The following CD2AP variants were observed in gnomAD, a reference collection of about 807,000 sequenced individuals.
The protein encoded by CD2AP is CD2-associated protein.
CD2AP carries 46 observed loss-of-function variants against 85.1 expected under a neutral mutation model. The ratio of observed to expected loss-of-function variants is 0.54; its 90% CI spans 0.43 to 0.69. CD2AP has a LOEUF of 0.69. Ranked by LOEUF, CD2AP falls within the 30% of genes least tolerant of loss-of-function variation. The pLI, the probability that CD2AP is intolerant of heterozygous loss-of-function variation, is 0.00. For synonymous variants in CD2AP, 255 were observed against 252.9 expected (o/e 1.01, Z -0.08); for missense variants, 769 against 729.5 (o/e 1.05, Z -0.62).
At chr6:47,523,896 A>C (rs897306058) in intron 2 of CD2AP, among the ~76,000 whole-genome samples, 4 of 152,172 alleles carry the variant, frequency 2.6e-5, no homozygotes, top group Middle Eastern at 3.2e-3. Context: ...AGTCAAAGCA[A>C]TATAGAAGTA....
intron 12 of CD2AP, among the ~76,000 whole-genome samples, chr6:47,598,449 C>T (rs1240197469): frequency 5.3e-5 from 8 of 151,072 alleles, no homozygotes; most frequent in African/African-American, 1.7e-4. Context: ...ATAACTTGCA[C>T]ATGCATGTTT....
At chr6:47,609,529 A>AAAC (rs1238849466) in intron 16 of CD2AP, 3 of 346,908 alleles carry the variant, frequency 8.6e-6, no homozygotes, top group Non-Finnish European at 1.5e-5. Flanking sequence ...AAAAAAAAAA[A>AAAC]AAGAAAAGAA....
At chr6:47,558,684 G>C (rs1366215640) in intron 5 of CD2AP, among the ~76,000 whole-genome samples, 4 of 152,168 alleles carry the variant, frequency 2.6e-5, no homozygotes, top group Non-Finnish European at 1.5e-5. Context: ...ACTTGATTGT[G>C]GTGGATAAGC....
intron 1 of CD2AP, among the ~76,000 whole-genome samples, chr6:47,485,103 A>G (rs994873950): frequency 1.3e-5 from 2 of 152,236 alleles, no homozygotes; most frequent in Admixed American, 1.3e-4. Context: ...ACATATATTG[A>G]TAATAAATGG....
intron 11 of CD2AP, among the ~76,000 whole-genome samples, chr6:47,590,759 A>G (rs1203732324): frequency 6.6e-6 from 1 of 152,128 alleles, no homozygotes; most frequent in Non-Finnish European, 1.5e-5. Context: ...GGAGGGAGAA[A>G]AAAATGGAGC....
intron 17 of CD2AP, among the ~76,000 whole-genome samples, chr6:47,618,410 A>T (rs968938920): frequency 6.6e-5 from 10 of 152,124 alleles, no homozygotes; most frequent in African/African-American, 2.4e-4. Context: ...CTGTTAGGGT[A>T]TGTACTTATT....
chr6:47,513,689 T>G (rs1469950041), intron 2 of CD2AP, among the ~76,000 whole-genome samples: 1 of 152,120 alleles, frequency 6.6e-6, no homozygotes, highest in South Asian at 2.1e-4. Flanking sequence ...AGGACTTTTT[T>G]TCAATTTTTA....
chr6:47,587,784 T>G lies in CD2AP; in HGVS notation c.1108+5719T>G, dbSNP rs187971532. Among the ~76,000 whole-genome samples the G allele has an allele frequency of 2.5e-3, 380 of 152,230 alleles. 1 individual carries two copies. The highest frequency in any genetic ancestry group is 8.4e-3 in the African/African-American group (351 of 41,558). ...TATAAAATCACTAAAATGGTAACTT[T>G]TATCTTATGTCCTCCTCACTTCCTA... On this transcript the variant is annotated intron_variant, in intron 11 of 17. Transcript: ENST00000359314.
At chr6:47,573,855 C>T (rs1768225330) in intron 5 of CD2AP, among the ~76,000 whole-genome samples, 1 of 151,988 alleles carries the variant, frequency 6.6e-6, no homozygotes, top group East Asian at 1.9e-4. Flanking sequence ...ATTAAATTTA[C>T]CTAAAATTAT....
chr6:47,595,997 ACCAGTT>A lies in CD2AP; in HGVS notation c.1248_1253del (p.Val417_Pro418del). The A allele has an allele frequency of 6.2e-7, 1 of 1,612,834 alleles. No individual in the cohort carries two copies. Among genetic ancestry groups the A allele is most frequent in the South Asian group, 1.1e-5 (1 of 91,044 alleles). The stretch of plus-strand genomic sequence containing the variant: ...CAGTGTACCCAAAGCGACCTGAAAA[ACCAGTT>A]CCTCCACCACCTCCTATAGCCAAGT... On this transcript the variant is annotated inframe_deletion, in exon 12 of 18. Coordinates refer to ENST00000359314, the MANE Select transcript of CD2AP (RefSeq NM_012120.3).
intron 2 of CD2AP, among the ~76,000 whole-genome samples, chr6:47,522,208 G>A (rs528209167): frequency 2.6e-5 from 4 of 152,238 alleles, no homozygotes; most frequent in South Asian, 2.1e-4. Context: ...TTTTGCAAGC[G>A]CCAGAGCACA....
At position 47,585,252 on chromosome 6, in the gene CD2AP, G is replaced by T. The variant is rs185885161; in HGVS notation, c.1108+3187G>T. ...CGGGAGGCGGAGCTTGCAGTGAGCC[G>T]ATATTGCGCCACTGCACTCCAGCGT... is the stretch of plus-strand genomic sequence containing the variant. On this transcript the variant is annotated intron_variant, in intron 11 of 17. Transcript: ENST00000359314. 3.7e-3 allele frequency among the ~76,000 whole-genome samples: 558 copies of T among 151,294 alleles called. 6 individuals are homozygous for T. Among genetic ancestry groups the T allele is most frequent in the South Asian group, 0.021 (101 of 4,796 alleles).
chr6:47,528,929 T>C (rs1766798395), intron 2 of CD2AP, among the ~76,000 whole-genome samples: 1 of 152,202 alleles, frequency 6.6e-6, no homozygotes, highest in African/African-American at 2.4e-5. Flanking sequence ...TTGCAAATAT[T>C]TTCTCCCATT....
intron 1 of CD2AP, 49 bp from the exon 2 acceptor site, chr6:47,503,231 T>C (rs1437546325): frequency 6.6e-6 from 10 of 1,508,518 alleles, no homozygotes; most frequent in Non-Finnish European, 9.2e-6. Context: ...TAGTTTACAG[T>C]ATTTTGTGAA....
Position 47,574,055 on chromosome 6 carries a change from T to C in CD2AP, c.542-9T>C. 2 of 1,613,392 alleles carry C rather than the reference T, an allele frequency of 1.2e-6. No homozygotes were observed. Among genetic ancestry groups the C allele is most frequent in the African/African-American group, 1.3e-5 (1 of 75,050 alleles). On this transcript the variant is annotated splice_polypyrimidine_tract_variant and intron_variant, in intron 5 of 17. Transcript: ENST00000359314. ...GGTGTCATTCTTCAAAAACAAATTA[T>C]TGTTTCAGAAACTGTTTTGGCTGGG...
intron 1 of CD2AP, among the ~76,000 whole-genome samples, chr6:47,495,463 C>A (rs188167024): frequency 3.5e-4 from 54 of 152,230 alleles, no homozygotes; most frequent in Admixed American, 3.5e-3. Context: ...TCTCGCCTCC[C>A]GAAAGAGGAG....
intron 5 of CD2AP, among the ~76,000 whole-genome samples, chr6:47,568,615 G>C (rs907182770): frequency 2.6e-5 from 4 of 152,128 alleles, no homozygotes; most frequent in African/African-American, 9.7e-5. Context: ...ATGGTGGTGT[G>C]CACCTGTAAT....
Position 47,543,759 on chromosome 6 carries a change from A to G in CD2AP, c.320-847A>G, listed in dbSNP as rs770565875. Among the ~76,000 whole-genome samples the G allele has an allele frequency of 4.5e-4, 69 of 152,210 alleles. 1 individual carries two copies. The highest frequency in any genetic ancestry group is 1.9e-4 in the Non-Finnish European group (13 of 68,032). On this transcript the variant is annotated intron_variant, in intron 3 of 17. Transcript: ENST00000359314. ...CCCCACAAAGGCACTATTGCCAGAC[A>G]CATTGGGTGTTAGGGTTTCAATATA...
At chr6:47,536,669 A>G (rs1210739684) in intron 3 of CD2AP, among the ~76,000 whole-genome samples, 1 of 152,180 alleles carries the variant, frequency 6.6e-6, no homozygotes, top group Non-Finnish European at 1.5e-5. Flanking sequence ...AAGAAGTATT[A>G]ATTTTTTTTA....
Sources: allele counts gnomAD v4.1 joint callset (sites outside exome capture counted in the v4.1 genomes callset), GRCh38; gene constraint gnomAD v4.1.1; transcripts MANE v1.5; gene names NCBI Gene and HGNC (gene_info 2026-07-23, HGNC 2026-07-21).